Variants in CFDP1 observed in about 807,000 individuals in gnomAD.
CFDP1 encodes the protein chromatin remodeling protein CFDP1.
CFDP1 carries 31 observed loss-of-function variants against 40.1 expected under a neutral mutation model. The ratio of observed to expected loss-of-function variants is 0.77; its 90% CI spans 0.58 to 1.04. The LOEUF is 1.04. CFDP1 is among the 50% of genes least tolerant of loss of function. CFDP1 has a pLI of 0.00. For missense variants in CFDP1, 423 were observed against 343.4 expected (o/e 1.23, Z -1.83); for synonymous variants, 167 against 120.0 (o/e 1.39, Z -2.56).
intron 5 of CFDP1, among the ~76,000 whole-genome samples, chr16:75,357,250 TATTTTTA>T (rs1015629035): frequency 2.0e-5 from 3 of 151,982 alleles, no homozygotes; most frequent in African/African-American, 7.2e-5. Flanking sequence ...TTATTTTATT[TATTTTTA>T]ATTTTTAATT....
intron 5 of CFDP1, among the ~76,000 whole-genome samples, chr16:75,319,581 T>A (rs569144289): frequency 6.2e-4 from 94 of 152,310 alleles, no homozygotes; most frequent in African/African-American, 2.2e-3. Flanking sequence ...CAACATCGTT[T>A]GCTCACTCAG....
intron 5 of CFDP1, among the ~76,000 whole-genome samples, chr16:75,315,200 G>C (rs143688402): frequency 6.6e-6 from 1 of 151,998 alleles, no homozygotes; most frequent in Non-Finnish European, 1.5e-5. Flanking sequence ...GGGTGTGACG[G>C]TGTGTGCCTG....
chr16:75,294,826 TG>T (rs953912733), intron 6 of CFDP1, among the ~76,000 whole-genome samples: 4 of 152,088 alleles, frequency 2.6e-5, no homozygotes, highest in Non-Finnish European at 4.4e-5. Context: ...CTAATCTGGT[TG>T]GGTTCAGCAA....
At chr16:75,396,526 G>C (rs1231589124) in intron 4 of CFDP1, among the ~76,000 whole-genome samples, 1 of 103,562 alleles carries the variant, frequency 9.7e-6, no homozygotes, top group African/African-American at 2.9e-5. Flanking sequence ...GCAACAGAGC[G>C]AGACTCTGTC....
intron 1 of CFDP1, among the ~76,000 whole-genome samples, chr16:75,430,173 G>C (rs1426505199): frequency 6.6e-6 from 1 of 150,656 alleles, no homozygotes; most frequent in Non-Finnish European, 1.5e-5. Context: ...TTTTTTGTTT[G>C]TTTGTTTGTT....
At chr16:75,423,672 G>A (rs1318461063) in intron 1 of CFDP1, among the ~76,000 whole-genome samples, 2 of 151,912 alleles carry the variant, frequency 1.3e-5, no homozygotes, top group Admixed American at 6.6e-5. Flanking sequence ...CCGCCACCTC[G>A]CCCGGCTAAT....
At chr16:75,297,965 C>T (rs896205241) in intron 6 of CFDP1, among the ~76,000 whole-genome samples, 1 of 152,176 alleles carries the variant, frequency 6.6e-6, no homozygotes, top group Admixed American at 6.5e-5. Context: ...AATCTGAAGT[C>T]CTCCAAAACC....
chr16:75,393,552 A>G (rs935353368), intron 5 of CFDP1, among the ~76,000 whole-genome samples: 1 of 151,508 alleles, frequency 6.6e-6, no homozygotes, highest in African/African-American at 2.4e-5. Flanking sequence ...TAACAAGGTG[A>G]AACCCCGTCT....
chr16:75,410,376 T>TA (rs1386520474), intron 4 of CFDP1, among the ~76,000 whole-genome samples: 1 of 152,182 alleles, frequency 6.6e-6, no homozygotes, highest in Non-Finnish European at 1.5e-5. Context: ...ATGTGGCTCT[T>TA]ACCTAACAGC....
At chr16:75,346,244 T>A (rs77952900) in intron 5 of CFDP1, among the ~76,000 whole-genome samples, 2,350 of 152,248 alleles carry the variant, frequency 0.015, 59 homozygotes, top group African/African-American at 0.053. Flanking sequence ...GGACCAGGAA[T>A]GTCAATGTGC....
rs377111520 is a variant in CFDP1 at position 75,354,432 on chromosome 16, G to A, written c.650+40658C>T. Among the ~76,000 whole-genome samples, 13 of 152,106 alleles carry A rather than the reference G, an allele frequency of 8.5e-5. No homozygotes were observed. The East Asian group carries it at 9.6e-4, about 11-fold the overall frequency. ...GGCCAGGGAGGAATGTGAAGTCCTG[G>A]TCTGCCTAACTCCAGCCTTAAAGTC... On this transcript the variant is annotated intron_variant, in intron 5 of 6. Transcript: ENST00000283882.
intron 4 of CFDP1, among the ~76,000 whole-genome samples, chr16:75,400,193 G>C (rs961525978): frequency 4.0e-5 from 6 of 151,838 alleles, no homozygotes; most frequent in African/African-American, 1.5e-4. Flanking sequence ...GAAGCAGAAG[G>C]ATCGCTTGAA....
intron 5 of CFDP1, among the ~76,000 whole-genome samples, chr16:75,370,780 T>C (rs1014532011): frequency 6.6e-6 from 1 of 152,122 alleles, no homozygotes; most frequent in African/African-American, 2.4e-5. Flanking sequence ...AAGAATCGCT[T>C]GAACCCAGCA....
intron 4 of CFDP1, among the ~76,000 whole-genome samples, chr16:75,401,924 T>C (rs1465269164): frequency 1.3e-5 from 2 of 152,132 alleles, no homozygotes; most frequent in Non-Finnish European, 2.9e-5. Flanking sequence ...TGAAAGCAAG[T>C]CATTGTAATA....
chr16:75,389,891 A>G (rs1429635027), intron 5 of CFDP1, among the ~76,000 whole-genome samples: 1 of 152,172 alleles, frequency 6.6e-6, no homozygotes, highest in South Asian at 2.1e-4. Context: ...GTAACTGTAA[A>G]GCTTTTTGAG....
intron 5 of CFDP1, among the ~76,000 whole-genome samples, chr16:75,311,539 G>A (rs928241298): frequency 1.3e-5 from 2 of 152,144 alleles, no homozygotes; most frequent in Admixed American, 6.5e-5. Flanking sequence ...TGAACTGACA[G>A]ACCAGTACCA....
intron 5 of CFDP1, among the ~76,000 whole-genome samples, chr16:75,385,783 T>C (rs1861647983): frequency 1.3e-5 from 2 of 152,232 alleles, no homozygotes; most frequent in African/African-American, 4.8e-5. Flanking sequence ...ATTACTGTTT[T>C]AAAGTTAACC....
chr16:75,323,587 CCTGA>C (rs2078381354), intron 5 of CFDP1, among the ~76,000 whole-genome samples: 1 of 152,038 alleles, frequency 6.6e-6, no homozygotes, highest in Non-Finnish European at 1.5e-5. Context: ...TCAAGACCAG[CCTGA>C]CTAACATGGT....
In CFDP1 at chr16:75,378,897, G is replaced by A. The variant is rs28368515; in HGVS notation, c.650+16193C>T. On this transcript the variant is annotated intron_variant, in intron 5 of 6. Coordinates refer to ENST00000283882, the MANE Select transcript of CFDP1 (RefSeq NM_006324.3). ...TAAAAGAGTTGAAATCACAAAGAAT[G>A]TGTTCACCAGCAACATGATCAAACT... 7.0e-3 allele frequency among the ~76,000 whole-genome samples: 1,071 copies of A among 152,172 alleles called. 13 individuals are homozygous for A. The highest frequency in any genetic ancestry group is 0.024 in the African/African-American group (1,006 of 41,506).
Sources: allele counts gnomAD v4.1 joint callset (sites outside exome capture counted in the v4.1 genomes callset), GRCh38; gene constraint gnomAD v4.1.1; transcripts MANE v1.5; gene names NCBI Gene and HGNC (gene_info 2026-07-23, HGNC 2026-07-21).